Variants in BCAT1 observed in about 807,000 individuals in gnomAD.
BCAT1 encodes the protein branched-chain-amino-acid aminotransferase, cytosolic.
BCAT1 carries 48 observed loss-of-function variants against 52.4 expected under a neutral mutation model. That is an observed-to-expected ratio of 0.92 (90% CI 0.73 to 1.16). The LOEUF (loss-of-function observed/expected upper bound fraction) is 1.16, where lower values mean the gene tolerates loss of function less well. BCAT1 is among the 50% of genes most tolerant of loss of function. BCAT1 has a pLI of 0.00. For synonymous variants in BCAT1, 167 were observed against 161.3 expected (o/e 1.04, Z -0.27); for missense variants, 451 against 457.1 (o/e 0.99, Z 0.12).
chr12:24,911,515 A>G (rs1348931771), intron 1 of BCAT1, among the ~76,000 whole-genome samples: 1 of 152,232 alleles, frequency 6.6e-6, no homozygotes, highest in East Asian at 1.9e-4. Context: ...ATACAAATAC[A>G]GTTTAATCTT....
chr12:24,829,051 A>G (rs1221459007), intron 10 of BCAT1, among the ~76,000 whole-genome samples: 3 of 121,652 alleles, frequency 2.5e-5, no homozygotes, highest in Non-Finnish European at 5.2e-5. Context: ...AAATAAATAA[A>G]TAAAGTATAT....
chr12:24,871,728 A>T (rs1942188654), intron 5 of BCAT1, among the ~76,000 whole-genome samples: 1 of 152,110 alleles, frequency 6.6e-6, no homozygotes, highest in African/African-American at 2.4e-5. Flanking sequence ...AGAGTAAAAA[A>T]CATCCCCTGT....
chr12:24,887,704 C>T (rs1942724026), intron 3 of BCAT1, among the ~76,000 whole-genome samples: 1 of 152,150 alleles, frequency 6.6e-6, no homozygotes, highest in African/African-American at 2.4e-5. Context: ...ATGTCTTATC[C>T]ATTTTTTAAA....
chr12:24,823,978 T>C (rs718567), intron 10 of BCAT1, among the ~76,000 whole-genome samples: 128,476 of 152,144 alleles, frequency 0.84, 54,339 homozygotes, highest in Admixed American at 0.88. Flanking sequence ...CCCAAAATTG[T>C]GTGTTTGGGC....
chr12:24,947,206 C>T (rs1943945240), intron 1 of BCAT1, among the ~76,000 whole-genome samples: 1 of 149,606 alleles, frequency 6.7e-6, no homozygotes. Flanking sequence ...CACACACACA[C>T]ACACACGGAC....
At position 24,837,096 on chromosome 12, in the gene BCAT1, A is replaced by G. The variant is rs771969857; in HGVS notation, c.818-500T>C. Among the ~76,000 whole-genome samples, 90 of 94,994 alleles carry G rather than the reference A, an allele frequency of 9.5e-4. 1 individual carries two copies. The Middle Eastern group carries it at 0.022, about 23-fold the overall frequency. The allele number at this position is 94,994 out of a possible 152,430, so 62.3% of individuals were successfully genotyped here. A position where few individuals can be genotyped will look rare whatever the true frequency, so the allele number is the denominator to read the frequency against. ...AAGAGAGAGGGAGGGAGGGAGGGAG[A>G]AAGGAAGGAAGAAAGAGAAGGAAGG... On this transcript the variant is annotated intron_variant, in intron 7 of 10. Coordinates refer to ENST00000261192, the MANE Select transcript of BCAT1 (RefSeq NM_005504.7).
intron 8 of BCAT1, 113 bp from the exon 9 acceptor site, chr12:24,832,976 T>A (rs1940749935): frequency 5.1e-6 from 6 of 1,181,784 alleles, no homozygotes; most frequent in Non-Finnish European, 7.0e-6. Flanking sequence ...AAGGTCACAA[T>A]CATCCTTTAA....
At position 24,949,024 on chromosome 12, in the gene BCAT1, C is replaced by T. The variant is rs891473834; in HGVS notation, c.-92G>A. 51 of 1,402,444 alleles carry T rather than the reference C, an allele frequency of 3.6e-5. No individual in the cohort carries two copies. Among genetic ancestry groups the T allele is most frequent in the Non-Finnish European group, 5.0e-5 (51 of 1,016,324 alleles). 86.9% of individuals were successfully genotyped at this position (1,402,444 alleles called of 1,614,324 possible). On this transcript the variant is annotated 5_prime_UTR_variant, in exon 1 of 11. Coordinates refer to ENST00000261192, the MANE Select transcript of BCAT1 (RefSeq NM_005504.7). ...GCCGTGTGGACCGGGTCTGCGGCTG[C>T]AGAGCGCGGTCCCGGCTGCAGCAAG...
chr12:24,901,671 TAAGAG>T, intron 2 of BCAT1, 138 bp downstream of exon 2: 4 of 835,888 alleles, frequency 4.8e-6, no homozygotes, highest in Non-Finnish European at 5.5e-6. Context: ...TTTTTTCCTC[TAAGAG>T]TGGAATTTTA....
At chr12:24,900,734 C>A (rs1418816419) in intron 2 of BCAT1, among the ~76,000 whole-genome samples, 2 of 152,208 alleles carry the variant, frequency 1.3e-5, no homozygotes, top group Non-Finnish European at 2.9e-5. Context: ...AGTTCGAGAC[C>A]AGCCTGGCTA....
At chr12:24,848,976 C>T (rs561603687) in intron 6 of BCAT1, among the ~76,000 whole-genome samples, 28 of 152,304 alleles carry the variant, frequency 1.8e-4, no homozygotes, top group Non-Finnish European at 2.5e-4. Flanking sequence ...CCCAGCAGCA[C>T]GTCATGTGAC....
At chr12:24,941,022 A>T (rs569481709) in intron 1 of BCAT1, among the ~76,000 whole-genome samples, 1 of 152,312 alleles carries the variant, frequency 6.6e-6, no homozygotes, top group South Asian at 2.1e-4. Context: ...ACAGTATTGG[A>T]ATTGGTTAAG....
Position 24,832,743 on chromosome 12 carries a change from C to A in BCAT1, c.1024G>T (p.Asp342Tyr). 6.2e-7 allele frequency: 1 copy of A among 1,610,986 alleles called. No individual in the cohort carries two copies. Among genetic ancestry groups the A allele is most frequent in the East Asian group, 2.2e-5 (1 of 44,800 alleles). Reference sequence around the variant, plus strand: ...CGTACCTCGCCTTTGTACAGTATATCAGAAACTGGGCAAACAACACAGGCT... The same window carrying A: ...CGTACCTCGCCTTTGTACAGTATATAAGAAACTGGGCAAACAACACAGGCT... ...GTACVVCPVS[D>Y]ILYKGETIHI... The change falls in exon 9 of 11, where the codon GAT (aspartate) becomes TAT (tyrosine). Residue 342 changes from aspartate (D) to tyrosine (Y), a missense_variant. Transcript: ENST00000261192.
chr12:24,839,939 C>T (rs538113453), intron 7 of BCAT1, among the ~76,000 whole-genome samples: 1 of 152,112 alleles, frequency 6.6e-6, no homozygotes, highest in South Asian at 2.1e-4. Context: ...AATATATATT[C>T]TATTTCCTTT....
At position 24,855,295 on chromosome 12, in the gene BCAT1, G is replaced by T. The variant is rs550044040; in HGVS notation, c.511-5346C>A. On this transcript the variant is annotated intron_variant, in intron 5 of 10. Coordinates refer to ENST00000261192, the MANE Select transcript of BCAT1 (RefSeq NM_005504.7). ...ACTGGCTATGAGGTAGCCCTGCTCC[G>T]CAGGAGCAGTTAAAAAAAAAAAAAA... Among the ~76,000 whole-genome samples the T allele has an allele frequency of 4.0e-4, 58 of 146,578 alleles. 1 individual carries two copies. Among genetic ancestry groups the T allele is most frequent in the Non-Finnish European group, 6.5e-4 (44 of 67,238 alleles).
At chr12:24,931,473 A>C (rs969046002) in intron 1 of BCAT1, among the ~76,000 whole-genome samples, 3 of 152,258 alleles carry the variant, frequency 2.0e-5, no homozygotes, top group South Asian at 2.1e-4. Flanking sequence ...TGAATGACTA[A>C]GGACCCATGT....
At chr12:24,837,564 T>A (rs2139417119) in intron 7 of BCAT1, among the ~76,000 whole-genome samples, 1 of 151,744 alleles carries the variant, frequency 6.6e-6, no homozygotes, top group South Asian at 2.1e-4. Flanking sequence ...GTAGCTGGGA[T>A]TACAGGTACG....
chr12:24,867,124 G>A (rs1942042745), intron 5 of BCAT1, among the ~76,000 whole-genome samples: 3 of 152,042 alleles, frequency 2.0e-5, no homozygotes, highest in Admixed American at 6.5e-5. Flanking sequence ...GCAAAGGTCC[G>A]CAGCTTCACT....
At chr12:24,928,149 TG>T (rs1433528819) in intron 1 of BCAT1, among the ~76,000 whole-genome samples, 1 of 152,252 alleles carries the variant, frequency 6.6e-6, no homozygotes, top group Non-Finnish European at 1.5e-5. Context: ...AGTTAAGTAC[TG>T]GAAACTGAGT....
Sources: gnomAD v4.1 joint callset for allele counts (sites outside exome capture counted in the v4.1 genomes callset) on GRCh38, gnomAD v4.1.1 for gene constraint, MANE v1.5 for transcripts, NCBI Gene and HGNC (gene_info 2026-07-23, HGNC 2026-07-21) for gene names.